SDCBP2: variants seen among roughly 807,000 people sequenced by gnomAD.
The protein encoded by SDCBP2 is syntenin-2.
SDCBP2 carries 28 observed loss-of-function variants against 30.7 expected under a neutral mutation model. That is an observed-to-expected ratio of 0.91 (90% CI 0.68 to 1.25). SDCBP2 has a LOEUF of 1.25. Among genes scored for constraint, SDCBP2 ranks in the 50% most tolerant of loss-of-function variants. The pLI is 0.00. For missense variants in SDCBP2, 399 were observed against 379.0 expected, an observed-to-expected ratio of 1.05 and a Z score of -0.44; for synonymous variants, 166 against 157.3, an observed-to-expected ratio of 1.06 and a Z score of -0.41.
intron 3 of SDCBP2, 23 bp downstream of exon 3, chr20:1,319,567 G>T (rs1476141260): frequency 5.8e-6 from 9 of 1,556,676 alleles, no homozygotes; most frequent in Non-Finnish European, 6.1e-6. Context: ...GCACCCAGGA[G>T]CCCCTCATCC....
At chr20:1,315,700 T>A (rs1023132873) in intron 4 of SDCBP2, among the ~76,000 whole-genome samples, 8 of 151,328 alleles carry the variant, frequency 5.3e-5, no homozygotes, top group African/African-American at 1.9e-4. Flanking sequence ...AAGGAGAAAA[T>A]CTTTCGGACT....
chr20:1,322,917 AAC>A (rs2088867066), intron 1 of SDCBP2: 1 of 152,342 alleles, frequency 6.6e-6, no homozygotes, highest in East Asian at 1.9e-4. Flanking sequence ...AAAATCTGGA[AAC>A]ACAAAATGCG....
intron 4 of SDCBP2, among the ~76,000 whole-genome samples, chr20:1,314,254 C>G (rs1036831237): frequency 1.3e-5 from 2 of 151,888 alleles, no homozygotes; most frequent in South Asian, 2.1e-4. Context: ...TTTGGGAGGC[C>G]GAGGAAGATG....
chr20:1,318,806 C>A (rs149929890), intron 3 of SDCBP2, among the ~76,000 whole-genome samples: 1 of 152,122 alleles, frequency 6.6e-6, no homozygotes, highest in South Asian at 2.1e-4. Context: ...GTATCTCTCT[C>A]GTGTTCTCGT....
chr20:1,313,543 C>T lies in SDCBP2; in HGVS notation c.226-45G>A, dbSNP rs748068302. The T allele has an allele frequency of 1.8e-5, 28 of 1,527,284 alleles. No homozygotes were observed. The highest frequency in any genetic ancestry group is 2.4e-5 in the Non-Finnish European group (27 of 1,141,210). The allele number at this position is 1,527,284 out of a possible 1,614,324, so 94.6% of individuals were successfully genotyped here. ...GGGGGTCAGCCCGGCCCGTGGGGAC[C>T]CTGTGCCTCAGGAGACACTGGGGTG... On this transcript the variant is annotated intron_variant, in intron 4 of 8. Coordinates refer to ENST00000360779, the MANE Select transcript of SDCBP2 (RefSeq NM_080489.5). The surrounding 1 kb of genome is among the most constrained non-coding windows in gnomAD (Gnocchi z 5.2).
Position 1,313,645 on chromosome 20 carries a change from G to A in SDCBP2, c.226-147C>T. Reference sequence around the variant, plus strand: ...CCCCAGTCCACGCTTCTCCCCTAGGGGCGAGAGGAGACGTGGCTCCACGCG... The same window carrying A: ...CCCCAGTCCACGCTTCTCCCCTAGGAGCGAGAGGAGACGTGGCTCCACGCG... On this transcript the variant is annotated intron_variant, in intron 4 of 8. Coordinates refer to ENST00000360779, the MANE Select transcript of SDCBP2 (RefSeq NM_080489.5). The surrounding 1 kb of genome is among the most constrained non-coding windows in gnomAD (Gnocchi z 5.2). The A allele has an allele frequency of 7.2e-7, 1 of 1,388,440 alleles. No individual in the cohort carries two copies. The highest frequency in any genetic ancestry group is 9.3e-7 in the Non-Finnish European group (1 of 1,073,818). 86.0% of individuals were successfully genotyped at this position (1,388,440 alleles called of 1,614,324 possible).
rs1049153237 is a variant in SDCBP2 at position 1,313,685 on chromosome 20, T to A, written c.226-187A>T. 7.3e-7 allele frequency: 1 copy of A among 1,365,786 alleles called. No individual in the cohort carries two copies. The highest frequency in any genetic ancestry group is 1.5e-5 in the African/African-American group (1 of 66,686). The allele number at this position is 1,365,786 out of a possible 1,614,324, so 84.6% of individuals were successfully genotyped here. A position where few individuals can be genotyped will look rare whatever the true frequency, so the allele number is the denominator to read the frequency against. On this transcript the variant is annotated intron_variant, in intron 4 of 8. Coordinates refer to ENST00000360779, the MANE Select transcript of SDCBP2 (RefSeq NM_080489.5). The surrounding 1 kb of genome is among the most constrained non-coding windows in gnomAD (Gnocchi z 5.2). ...GGCTCCACGCGGCCACTAGGGGGCGTCAAAGTCCATGCCCTTAAAAAGCCA... is the reference window on the plus strand; with the variant it reads ...GGCTCCACGCGGCCACTAGGGGGCGACAAAGTCCATGCCCTTAAAAAGCCA...
chr20:1,322,489 A>T (rs1227674458), intron 1 of SDCBP2: 1 of 152,216 alleles, frequency 6.6e-6, no homozygotes, highest in Non-Finnish European at 1.5e-5. Flanking sequence ...TTGTAAAGTA[A>T]AGCTCTAGTA....
chr20:1,313,217 C>T lies in SDCBP2; in HGVS notation c.384+123G>A. 2.8e-6 allele frequency: 3 copies of T among 1,054,200 alleles called. No homozygotes were observed. The highest frequency in any genetic ancestry group is 4.1e-6 in the Non-Finnish European group (3 of 723,178). 65.3% of individuals were successfully genotyped at this position (1,054,200 alleles called of 1,614,324 possible). On this transcript the variant is annotated intron_variant, in intron 5 of 8. Coordinates refer to ENST00000360779, the MANE Select transcript of SDCBP2 (RefSeq NM_080489.5). The surrounding 1 kb of genome is among the most constrained non-coding windows in gnomAD (Gnocchi z 5.2). The stretch of plus-strand genomic sequence containing the variant: ...GAGGGACTGGGGGCAAGAGCCTGGC[C>T]GCTGGGGTTAGGAGGCCCGCTCTGC...
chr20:1,317,733 A>G, intron 4 of SDCBP2: 1 of 216,490 alleles, frequency 4.6e-6, no homozygotes, highest in South Asian at 7.0e-5. Context: ...ACAACTTTGC[A>G]GTTTGTACTT....
intron 1 of SDCBP2, among the ~76,000 whole-genome samples, chr20:1,327,660 C>G (rs2088949426): frequency 1.3e-5 from 2 of 152,214 alleles, no homozygotes; most frequent in Admixed American, 1.3e-4. Context: ...ATAGGCAAAT[C>G]CCCTTTGAAT....
chr20:1,314,775 C>T (rs915756844), intron 4 of SDCBP2, among the ~76,000 whole-genome samples: 2 of 151,894 alleles, frequency 1.3e-5, no homozygotes, highest in African/African-American at 4.8e-5. Context: ...ACAAGAACAA[C>T]AAAAAGAAAT....
Position 1,313,862 on chromosome 20 carries a change from T to C in SDCBP2, c.226-364A>G, listed in dbSNP as rs2088727514. 6.6e-6 allele frequency among the ~76,000 whole-genome samples: 1 copy of C among 151,962 alleles called. No individual in the cohort carries two copies. The highest frequency in any genetic ancestry group is 1.5e-5 in the Non-Finnish European group (1 of 68,032). On this transcript the variant is annotated intron_variant, in intron 4 of 8. Transcript: ENST00000360779. The surrounding 1 kb of genome is among the most constrained non-coding windows in gnomAD (Gnocchi z 5.2). ...AACAGGGGATAAAAGGACTGGATTT[T>C]TGTCTTGAGAAAAATGTAAAAATAT...
rs1265923858 is a variant in SDCBP2 at position 1,313,782 on chromosome 20, A to AT, written c.226-285_226-284insA. On this transcript the variant is annotated intron_variant, in intron 4 of 8. Transcript: ENST00000360779. The surrounding 1 kb of genome is among the most constrained non-coding windows in gnomAD (Gnocchi z 5.2). ...TTTCCCAAGGGAAACTGGCATCAGGAAAAGCCTCCTTTAAAACCCACTTAA... is the reference window on the plus strand; with the variant it reads ...TTTCCCAAGGGAAACTGGCATCAGGATAAAGCCTCCTTTAAAACCCACTTAA... 29 of 627,420 alleles carry AT rather than the reference A, an allele frequency of 4.6e-5. No individual in the cohort carries two copies. Among genetic ancestry groups the AT allele is most frequent in the Non-Finnish European group, 6.4e-5 (28 of 439,988 alleles). 38.9% of individuals were successfully genotyped at this position (627,420 alleles called of 1,614,324 possible).
At chr20:1,323,826 T>G (rs370362149) in intron 1 of SDCBP2, 73 of 145,350 alleles carry the variant, frequency 5.0e-4, no homozygotes, top group African/African-American at 1.9e-3. Flanking sequence ...ATTTTTGTTG[T>G]TTTTTTTAAT....
rs2088641763 is a variant in SDCBP2, at chr20:1,310,363, A to G, written c.*78T>C. ...CACCTTAAGCAGCAGGCCGGCTGCA[A>G]CCCATCATCCGAGGGTGGTTGCCCT... On this transcript the variant is annotated 3_prime_UTR_variant, in exon 9 of 9. Coordinates refer to ENST00000360779, the MANE Select transcript of SDCBP2 (RefSeq NM_080489.5). The G allele has an allele frequency of 1.4e-6, 2 of 1,465,556 alleles. No homozygotes were observed. The highest frequency in any genetic ancestry group is 9.5e-7 in the Non-Finnish European group (1 of 1,052,624). 90.8% of individuals were successfully genotyped at this position (1,465,556 alleles called of 1,614,324 possible). A position where few individuals can be genotyped will look rare whatever the true frequency, so the allele number is the denominator to read the frequency against.
At chr20:1,315,459 G>T (rs1329662794) in intron 4 of SDCBP2, among the ~76,000 whole-genome samples, 5 of 152,120 alleles carry the variant, frequency 3.3e-5, no homozygotes, top group African/African-American at 1.2e-4. Context: ...AGCCCAGGAG[G>T]CGGAGGTTGC....
chr20:1,312,481 G>A lies in SDCBP2; in HGVS notation c.588C>T (p.His196=). ...AGCCGACGTGGCCCATGCTGTCCTT[G>A]TGCATGGTGACAGTCCGCTGGAACG... is the stretch of plus-strand genomic sequence containing the variant. ...DRPFQRTVTM[H]KDSMGHVGFV... The change falls in exon 7 of 9, where the codon CAC becomes CAT. Residue 196 remains histidine (H), a synonymous_variant. Transcript: ENST00000360779. 6.2e-7 allele frequency: 1 copy of A among 1,614,176 alleles called. No homozygotes were observed. The highest frequency in any genetic ancestry group is 8.5e-7 in the Non-Finnish European group (1 of 1,180,036).
In SDCBP2 at chr20:1,323,091, C is replaced by T. The variant is rs183008115; in HGVS notation, c.-19-2656G>A. ...TACCCATCAGCCCTTCACTGATTTACGTTGCCTGCTTGGTTCCTGGAGGCA... is the reference window on the plus strand; with the variant it reads ...TACCCATCAGCCCTTCACTGATTTATGTTGCCTGCTTGGTTCCTGGAGGCA... On this transcript the variant is annotated intron_variant, in intron 1 of 8. Coordinates refer to ENST00000360779, the MANE Select transcript of SDCBP2 (RefSeq NM_080489.5). The T allele has an allele frequency of 7.1e-3, 1,087 of 152,330 alleles. 8 individuals carry two copies. The highest frequency in any genetic ancestry group is 0.011 in the Non-Finnish European group (742 of 68,072). The allele number at this position is 152,330 out of a possible 1,614,324, so 9.4% of individuals were successfully genotyped here.
Sources: gnomAD v4.1 joint callset for allele counts (sites outside exome capture counted in the v4.1 genomes callset) on GRCh38, gnomAD v4.1.1 for gene constraint, Gnocchi (gnomAD v3.1) non-coding constraint, MANE v1.5 for transcripts, NCBI Gene and HGNC (gene_info 2026-07-23, HGNC 2026-07-21) for gene names.